The following SLC16A9 variants were observed in gnomAD, a reference collection of about 807,000 sequenced individuals.
SLC16A9 encodes solute carrier family 16 member 9, also known as monocarboxylate transporter 9.
SLC16A9 carries 26 observed loss-of-function variants against 44.3 expected under a neutral mutation model. The observed-to-expected ratio is 0.59, with a 90% CI of 0.43 to 0.81. The LOEUF (loss-of-function observed/expected upper bound fraction) is 0.81. Ranked by LOEUF, SLC16A9 falls within the 40% of genes least tolerant of loss-of-function variation. The pLI is 0.00. For missense variants in SLC16A9, 559 were observed against 595.8 expected, an observed-to-expected ratio of 0.94 and a Z score of 0.64; for synonymous variants, 230 against 225.1, an observed-to-expected ratio of 1.02 and a Z score of -0.19.
At chr10:59,685,642 G>A (rs1300673685) in intron 1 of SLC16A9, among the ~76,000 whole-genome samples, 5 of 152,072 alleles carry the variant, frequency 3.3e-5, no homozygotes, top group Non-Finnish European at 5.9e-5. Flanking sequence ...TAGTTTGTTC[G>A]ACCAGTCCCT....
At chr10:59,697,293 G>C (rs1003893830) in intron 1 of SLC16A9, among the ~76,000 whole-genome samples, 33 of 151,336 alleles carry the variant, frequency 2.2e-4, no homozygotes, top group African/African-American at 6.7e-4. Flanking sequence ...AATAGAAAGG[G>C]GGGAAAGGTG....
chr10:59,707,199 A>G (rs900899103), intron 1 of SLC16A9, among the ~76,000 whole-genome samples: 1 of 148,022 alleles, frequency 6.8e-6, no homozygotes, highest in African/African-American at 2.5e-5. Flanking sequence ...CTGCAGTGAG[A>G]AGAAAGAGAG....
At chr10:59,697,705 C>T (rs952146045) in intron 1 of SLC16A9, among the ~76,000 whole-genome samples, 3 of 144,832 alleles carry the variant, frequency 2.1e-5, no homozygotes, top group East Asian at 2.0e-4. Flanking sequence ...TCCCCCTCTG[C>T]GAGAAACACC....
chr10:59,655,079 C>T (rs1266811353), intron 4 of SLC16A9, among the ~76,000 whole-genome samples: 1 of 152,146 alleles, frequency 6.6e-6, no homozygotes, highest in Non-Finnish European at 1.5e-5. Flanking sequence ...ATCACGAGGT[C>T]AGGAGTTCGA....
chr10:59,678,540 C>CTTTTT (rs1426559419), intron 2 of SLC16A9, among the ~76,000 whole-genome samples: 2 of 22,330 alleles, frequency 9.0e-5, no homozygotes, highest in Non-Finnish European at 1.4e-4. Flanking sequence ...TTTTCTTTTT[C>CTTTTT]TTTTTCTTTT....
chr10:59,659,436 G>C (rs1256534372), intron 4 of SLC16A9, among the ~76,000 whole-genome samples: 1 of 151,936 alleles, frequency 6.6e-6, no homozygotes, highest in African/African-American at 2.4e-5. Flanking sequence ...TAATGGTAAA[G>C]GGATCAATGC....
chr10:59,660,884 C>A (rs908164971), intron 4 of SLC16A9, among the ~76,000 whole-genome samples: 1 of 152,190 alleles, frequency 6.6e-6, no homozygotes, highest in Non-Finnish European at 1.5e-5. Context: ...ATCACATAAA[C>A]AAAACCAATG....
At chr10:59,694,845 C>T (rs1840337833) in intron 1 of SLC16A9, among the ~76,000 whole-genome samples, 1 of 100,638 alleles carries the variant, frequency 9.9e-6, no homozygotes, top group African/African-American at 3.3e-5. Flanking sequence ...TATATATACA[C>T]TAAATATTTT....
chr10:59,696,261 G>A (rs529974172), intron 1 of SLC16A9, among the ~76,000 whole-genome samples: 1 of 152,316 alleles, frequency 6.6e-6, no homozygotes, highest in African/African-American at 2.4e-5. Context: ...GGGCCCCCAC[G>A]CCTGACTGGT....
At chr10:59,666,817 G>C (rs532079572) in intron 3 of SLC16A9, among the ~76,000 whole-genome samples, 2 of 148,648 alleles carry the variant, frequency 1.3e-5, no homozygotes, top group African/African-American at 2.5e-5. Flanking sequence ...ATGAACCAAC[G>C]CTGGGAAACA....
At chr10:59,693,394 T>A (rs563408264) in intron 1 of SLC16A9, among the ~76,000 whole-genome samples, 24 of 151,704 alleles carry the variant, frequency 1.6e-4, no homozygotes, top group Non-Finnish European at 2.5e-4. Context: ...TCTTCTAAAG[T>A]CAAAAAAATA....
At chr10:59,687,694 C>T (rs1009637699) in intron 1 of SLC16A9, among the ~76,000 whole-genome samples, 5 of 152,134 alleles carry the variant, frequency 3.3e-5, no homozygotes, top group African/African-American at 1.2e-4. Flanking sequence ...GGGCTGGGCA[C>T]AGTGGCTCAT....
chr10:59,677,844 G>A (rs777926224), intron 2 of SLC16A9, among the ~76,000 whole-genome samples: 22 of 151,248 alleles, frequency 1.5e-4, no homozygotes, highest in Non-Finnish European at 2.9e-4. Context: ...CAACCTCCAC[G>A]CACTTTTTTT....
chr10:59,654,289 T>C lies in SLC16A9; in HGVS notation c.737A>G (p.Asp246Gly), dbSNP rs1839294836. The C allele has an allele frequency of 6.2e-7, 1 of 1,614,076 alleles. No homozygotes were observed. The highest frequency in any genetic ancestry group is 1.1e-5 in the South Asian group (1 of 91,080). ...EKCRITLANG[D>G]WKQDSLLHKN... is the part of the protein sequence containing the mutation. ...ATGAAGTAGGCTGTCTTGTTTCCAG[T>C]CACCATTGGCTAACGTGATCCTGCA... Residue 246 changes from aspartate (D) to glycine (G), a missense_variant, in exon 5 of 6, where the codon GAC becomes GGC. Transcript: ENST00000395348.
At chr10:59,667,804 G>C (rs957254202) in intron 3 of SLC16A9, among the ~76,000 whole-genome samples, 2 of 152,152 alleles carry the variant, frequency 1.3e-5, no homozygotes, top group Non-Finnish European at 2.9e-5. Flanking sequence ...TTAAATACTT[G>C]TACTACTGAC....
At chr10:59,698,869 C>G (rs531177697) in intron 1 of SLC16A9, among the ~76,000 whole-genome samples, 189 of 152,180 alleles carry the variant, frequency 1.2e-3, no homozygotes, top group African/African-American at 4.5e-3. Context: ...TCTCGAGTAG[C>G]TGGGATTACA....
At chr10:59,703,389 G>C (rs1840567673) in intron 1 of SLC16A9, among the ~76,000 whole-genome samples, 1 of 152,218 alleles carries the variant, frequency 6.6e-6, no homozygotes, top group Non-Finnish European at 1.5e-5. Context: ...CGTGGTATGA[G>C]GCCTCTGAAT....
intron 2 of SLC16A9, among the ~76,000 whole-genome samples, chr10:59,680,938 G>A (rs1313473946): frequency 6.6e-6 from 1 of 151,742 alleles, no homozygotes; most frequent in Non-Finnish European, 1.5e-5. Flanking sequence ...AGCCAATATA[G>A]CACCACTGCA....
At chr10:59,662,289 GA>G (rs201875280) in intron 4 of SLC16A9, among the ~76,000 whole-genome samples, 13,099 of 145,798 alleles carry the variant, frequency 0.09, 826 homozygotes, top group African/African-American at 0.17. Context: ...AAATTTACAA[GA>G]AAAAAAAAAA....
Sources: gnomAD v4.1 joint callset for allele counts (sites outside exome capture counted in the v4.1 genomes callset) on GRCh38, gnomAD v4.1.1 for gene constraint, MANE v1.5 for transcripts, NCBI Gene and HGNC (gene_info 2026-07-23, HGNC 2026-07-21) for gene names.